Variants in SLC26A4 observed in about 807,000 individuals in gnomAD.
SLC26A4 encodes pendrin.
Under a neutral mutation model 90.4 loss-of-function variants are expected in SLC26A4, and 93 were observed. The ratio of observed to expected loss-of-function variants is 1.03; its 90% CI spans 0.87 to 1.22. The LOEUF (loss-of-function observed/expected upper bound fraction) is 1.22, where lower values mean the gene tolerates loss of function less well. Ranked by LOEUF, SLC26A4 falls within the 50% of genes most tolerant of loss-of-function variation. SLC26A4 has a pLI of 0.00. For missense variants in SLC26A4, 1,127 were observed against 946.2 expected (o/e 1.19, Z -2.51); for synonymous variants, 393 against 354.6 (o/e 1.11, Z -1.22).
chr7:107,704,648 C>G (rs1453600349), intron 18 of SLC26A4, among the ~76,000 whole-genome samples: 1 of 152,108 alleles, frequency 6.6e-6, no homozygotes, highest in African/African-American at 2.4e-5. Flanking sequence ...GTATATTAGT[C>G]CATTCAAAGT....
At chr7:107,713,253 T>C (rs1259682040) in intron 20 of SLC26A4, among the ~76,000 whole-genome samples, 1 of 152,230 alleles carries the variant, frequency 6.6e-6, no homozygotes, top group Non-Finnish European at 1.5e-5. Context: ...TTCTAGCCCA[T>C]GCAGAAATCC....
chr7:107,680,605 TGA>T (rs1224470694), intron 6 of SLC26A4, among the ~76,000 whole-genome samples: 5 of 151,548 alleles, frequency 3.3e-5, no homozygotes, highest in Admixed American at 1.3e-4. Flanking sequence ...AGATTCTGAA[TGA>T]CTACTCAATA....
chr7:107,669,703 G>A (rs1790813805), intron 3 of SLC26A4, among the ~76,000 whole-genome samples: 1 of 152,196 alleles, frequency 6.6e-6, no homozygotes, highest in Admixed American at 6.5e-5. Flanking sequence ...ATAATCAACT[G>A]TTGTTGAATG....
At chr7:107,690,882 A>G (rs1188774326) in intron 10 of SLC26A4, among the ~76,000 whole-genome samples, 1 of 151,846 alleles carries the variant, frequency 6.6e-6, no homozygotes, top group Non-Finnish European at 1.5e-5. Flanking sequence ...TCCCTCCTTC[A>G]GTGTTCAGAA....
chr7:107,690,289 G>A (rs755598577), intron 10 of SLC26A4, 52 bp downstream of exon 10: 2 of 1,102,390 alleles, frequency 1.8e-6, no homozygotes, highest in South Asian at 1.2e-5. Context: ...TCGAGGAATG[G>A]CAACAGAGGA....
chr7:107,695,296 G>A (rs1448741176), intron 12 of SLC26A4, among the ~76,000 whole-genome samples: 3 of 152,124 alleles, frequency 2.0e-5, no homozygotes, highest in Non-Finnish European at 4.4e-5. Flanking sequence ...AATAAAAGCG[G>A]ATACAAGGAG....
rs575428940 is a variant in SLC26A4 at position 107,680,960 on chromosome 7, A to T, written c.766-2242A>T. ...AGGGTCATTCATCAGAAAACTGATT[A>T]TGTAAAGGACCAAACAGCAATGATA... On this transcript the variant is annotated intron_variant, in intron 6 of 20. Transcript: ENST00000644269. 3.3e-5 allele frequency among the ~76,000 whole-genome samples: 5 copies of T among 152,286 alleles called. No homozygotes were observed. The South Asian group carries it at 1.0e-3, about 32-fold the overall frequency.
At chr7:107,693,563 T>A (rs1176040226) in intron 10 of SLC26A4, 1 of 985,364 alleles carries the variant, frequency 1.0e-6, no homozygotes, top group Non-Finnish European at 1.2e-6. Flanking sequence ...GCTTCTAATC[T>A]TCATCTTGGC....
chr7:107,700,487 G>A (rs986688392), intron 15 of SLC26A4, among the ~76,000 whole-genome samples: 3 of 152,218 alleles, frequency 2.0e-5, no homozygotes, highest in African/African-American at 7.2e-5. Context: ...AGAAGGAAGA[G>A]ATCCAGGTTA....
intron 10 of SLC26A4, 70 bp from the exon 11 acceptor site, chr7:107,694,333 C>T: frequency 3.4e-6 from 4 of 1,164,760 alleles, no homozygotes; most frequent in Non-Finnish European, 5.2e-6. Flanking sequence ...GTCTCATACA[C>T]ACATCCAGTG....
At chr7:107,689,702 A>G (rs553452210) in intron 9 of SLC26A4, among the ~76,000 whole-genome samples, 1 of 152,298 alleles carries the variant, frequency 6.6e-6, no homozygotes, top group East Asian at 1.9e-4. Context: ...CTGTATCTAT[A>G]TGTTTCTGAA....
At chr7:107,677,708 C>G (rs1241087224) in intron 6 of SLC26A4, among the ~76,000 whole-genome samples, 3 of 151,470 alleles carry the variant, frequency 2.0e-5, no homozygotes, top group Non-Finnish European at 4.4e-5. Flanking sequence ...CTGTGTCAAG[C>G]GATTCTTCCC....
intron 10 of SLC26A4, 43 bp downstream of exon 10, chr7:107,690,280 C>A (rs371093362): frequency 4.3e-6 from 5 of 1,168,284 alleles, no homozygotes; most frequent in South Asian, 1.2e-5. Flanking sequence ...GAGAACAAGT[C>A]GAGGAATGGC....
rs201940316 is a variant in SLC26A4 at position 107,698,099 on chromosome 7, G to T, written c.1602G>T (p.Lys534Asn). Reference protein sequence around the residue: ...IPSTDIYKSTKNYKNIEEPQG... With the variant: ...IPSTDIYKSTNNYKNIEEPQG... ...GCACAGATATCTACAAAAGTACCAA[G>T]AATTACAAAAACGTAAGTACCTTTG... Residue 534 changes from lysine (K) to asparagine (N), a missense_variant, in exon 14 of 21, where the codon AAG becomes AAT. Coordinates refer to ENST00000644269, the MANE Select transcript of SLC26A4 (RefSeq NM_000441.2). 6.2e-7 allele frequency: 1 copy of T among 1,606,670 alleles called. No individual in the cohort carries two copies. Among genetic ancestry groups the T allele is most frequent in the East Asian group, 2.2e-5 (1 of 44,830 alleles).
intron 6 of SLC26A4, among the ~76,000 whole-genome samples, chr7:107,682,478 A>G (rs995488282): frequency 6.6e-6 from 1 of 152,202 alleles, no homozygotes; most frequent in African/African-American, 2.4e-5. Flanking sequence ...CTTGGCCTAT[A>G]TGTCAATTCA....
intron 2 of SLC26A4, 129 bp from the exon 3 acceptor site, chr7:107,663,167 T>C (rs2129309124): frequency 1.9e-6 from 2 of 1,080,274 alleles, no homozygotes; most frequent in Non-Finnish European, 1.4e-6. Context: ...GTTATTATTT[T>C]CCAGGAAATA....
At chr7:107,680,085 C>T (rs1232305005) in intron 6 of SLC26A4, among the ~76,000 whole-genome samples, 52 of 118,510 alleles carry the variant, frequency 4.4e-4, no homozygotes, top group African/African-American at 1.7e-3. Flanking sequence ...ATATTCTTAT[C>T]TTATTATATA....
chr7:107,685,543 T>C (rs1300508534), intron 8 of SLC26A4, among the ~76,000 whole-genome samples: 2 of 152,160 alleles, frequency 1.3e-5, no homozygotes, highest in Non-Finnish European at 2.9e-5. Context: ...CCTAGGACCA[T>C]ACGTTAGGAC....
chr7:107,713,540 T>C (rs1792252105), intron 20 of SLC26A4, among the ~76,000 whole-genome samples: 1 of 152,216 alleles, frequency 6.6e-6, no homozygotes, highest in Non-Finnish European at 1.5e-5. Context: ...GAGACTCTTC[T>C]AGTTCCTTCT....
Sources: allele counts gnomAD v4.1 joint callset (sites outside exome capture counted in the v4.1 genomes callset), GRCh38; gene constraint gnomAD v4.1.1; transcripts MANE v1.5; gene names NCBI Gene and HGNC (gene_info 2026-07-23, HGNC 2026-07-21).